Variants in OR51B5 observed in about 807,000 individuals in gnomAD.
OR51B5 encodes olfactory receptor 51B5.
For synonymous variants in OR51B5, 186 were observed against 144.8 expected, an observed-to-expected ratio of 1.28 and a Z score of -2.04; for missense variants, 456 against 374.6, an observed-to-expected ratio of 1.22 and a Z score of -1.79.
At chr11:5,434,027 C>G (rs1850564047) in intron 1 of OR51B5, among the ~76,000 whole-genome samples, 1 of 152,138 alleles carries the variant, frequency 6.6e-6, no homozygotes, top group African/African-American at 2.4e-5. Context: ...ATTTATTTAT[C>G]TTGAGTCTAC....
chr11:5,442,804 T>C (rs1850710567), intron 1 of OR51B5, among the ~76,000 whole-genome samples: 1 of 152,220 alleles, frequency 6.6e-6, no homozygotes, highest in African/African-American at 2.4e-5. Context: ...AATTTCTCTA[T>C]GGTCACCTAG....
intron 1 of OR51B5, among the ~76,000 whole-genome samples, chr11:5,416,226 AC>A (rs554442685): frequency 0.03 from 3,988 of 133,834 alleles, 42 homozygotes; most frequent in Middle Eastern, 0.051. Flanking sequence ...AAATTCAACA[AC>A]CCTTCATGCT....
At chr11:5,340,332 A>ATTCT (rs2133674495), downstream of OR51B5, 1 of 152,230 alleles carries the variant, frequency 6.6e-6, no homozygotes, top group African/African-American at 2.4e-5. Flanking sequence ...AGATTTGAAG[A>ATTCT]TTCTTTTTAT....
intron 1 of OR51B5, among the ~76,000 whole-genome samples, chr11:5,437,983 A>G (rs1395722098): frequency 6.6e-6 from 1 of 152,168 alleles, no homozygotes; most frequent in African/African-American, 2.4e-5. Flanking sequence ...AAAGGAACAG[A>G]GGAACAGTGG....
In OR51B5 at chr11:5,428,919, T is replaced by C. The variant is rs548733810; in HGVS notation, n.84+76650A>G. ...GCTAAAATGTAGGTATAGTTTTTAC[T>C]GTCCCTTACTGCTTCAAAGTGATGT... is the stretch of plus-strand genomic sequence containing the variant. On this transcript the variant is annotated intron_variant and non_coding_transcript_variant, in intron 1 of 4. Transcript: ENST00000415970. Among the ~76,000 whole-genome samples the C allele has an allele frequency of 7.2e-5, 11 of 152,342 alleles. No individual in the cohort carries two copies. In the South Asian group the frequency reaches 1.7e-3, roughly 23 times the overall value.
At chr11:5,377,148 G>A (rs1411770947) in intron 1 of OR51B5, among the ~76,000 whole-genome samples, 4 of 151,994 alleles carry the variant, frequency 2.6e-5, no homozygotes, top group Non-Finnish European at 5.9e-5. Context: ...ATGCAAGGCT[G>A]GTTCAATATA....
At chr11:5,360,692 G>C (rs1849270057) in intron 1 of OR51B5, among the ~76,000 whole-genome samples, 1 of 151,888 alleles carries the variant, frequency 6.6e-6, no homozygotes. Flanking sequence ...ACATGCACAT[G>C]TATGTTTATT....
chr11:5,351,626 A>C, intron 1 of OR51B5: 1 of 1,613,868 alleles, frequency 6.2e-7, no homozygotes, highest in Non-Finnish European at 8.5e-7. Context: ...CTTCTTGGCA[A>C]TGGCACTCTT....
intron 1 of OR51B5, among the ~76,000 whole-genome samples, chr11:5,457,874 G>C (rs536829901): frequency 6.6e-5 from 10 of 152,106 alleles, no homozygotes; most frequent in Middle Eastern, 3.2e-3. Flanking sequence ...ACATTTGTCA[G>C]GTCCATAGTT....
intron 1 of OR51B5, among the ~76,000 whole-genome samples, chr11:5,410,195 G>A (rs1275188708): frequency 2.0e-5 from 3 of 151,946 alleles, no homozygotes; most frequent in African/African-American, 7.2e-5. Context: ...TAAAAGCATC[G>A]GAAAAGGTAA....
At chr11:5,379,914 C>T (rs1355365934) in intron 1 of OR51B5, among the ~76,000 whole-genome samples, 3 of 151,850 alleles carry the variant, frequency 2.0e-5, no homozygotes, top group Non-Finnish European at 4.4e-5. Flanking sequence ...TTGGAACCAG[C>T]ATGAGACCTT....
At chr11:5,377,848 G>A (rs1433076660) in intron 1 of OR51B5, among the ~76,000 whole-genome samples, 7 of 152,018 alleles carry the variant, frequency 4.6e-5, no homozygotes, top group Non-Finnish European at 1.0e-4. Context: ...CATGCTTATG[G>A]GTAGGAAGAA....
chr11:5,393,481 T>C (rs1021798956), intron 1 of OR51B5, among the ~76,000 whole-genome samples: 13 of 152,182 alleles, frequency 8.5e-5, no homozygotes, highest in Non-Finnish European at 1.6e-4. Context: ...TCTTATTTTC[T>C]ATATAGATTT....
At chr11:5,477,506 G>A (rs1487498932) in intron 1 of OR51B5, among the ~76,000 whole-genome samples, 2 of 152,086 alleles carry the variant, frequency 1.3e-5, no homozygotes, top group African/African-American at 4.8e-5. Flanking sequence ...ATTGGGGGAG[G>A]AGCCAAGATG....
intron 1 of OR51B5, chr11:5,468,693 A>T (rs1261888008): frequency 2.2e-6 from 1 of 456,560 alleles, no homozygotes; most frequent in Non-Finnish European, 4.4e-6. Flanking sequence ...TGTGACACAC[A>T]TGTGTTGAGT....
chr11:5,466,837 G>A lies in OR51B5; in HGVS notation n.84+38732C>T, dbSNP rs559939651. Among the ~76,000 whole-genome samples the A allele has an allele frequency of 6.6e-5, 10 of 152,322 alleles. No individual in the cohort carries two copies. The South Asian group carries it at 2.1e-3, about 32-fold the overall frequency. On this transcript the variant is annotated intron_variant and non_coding_transcript_variant, in intron 1 of 4. Coordinates refer to the OR51B5 transcript ENST00000415970. The stretch of plus-strand genomic sequence containing the variant: ...GTCAGAGCGAAGTCTGGTCCAGGAG[G>A]ACATTCTGCTTCCTTCTGTTCCAGC...
intron 1 of OR51B5, chr11:5,390,112 A>G: frequency 2.5e-6 from 4 of 1,613,816 alleles, no homozygotes; most frequent in Non-Finnish European, 3.4e-6. Flanking sequence ...ACACAGTAGC[A>G]GGCCTGGCCT....
At chr11:5,380,167 G>A (rs2647545) in intron 1 of OR51B5, among the ~76,000 whole-genome samples, 30,582 of 152,128 alleles carry the variant, frequency 0.2, 3,334 homozygotes, top group East Asian at 0.37. Flanking sequence ...CATAATGACT[G>A]AAGAGAGGTA....
chr11:5,488,254 G>A (rs951552729), intron 1 of OR51B5, among the ~76,000 whole-genome samples: 2 of 152,164 alleles, frequency 1.3e-5, no homozygotes, highest in Admixed American at 6.5e-5. Flanking sequence ...GAAAGGGAAG[G>A]CCTCTGGGAA....
Sources: allele counts gnomAD v4.1 joint callset (sites outside exome capture counted in the v4.1 genomes callset), GRCh38; gene constraint gnomAD v4.1.1; transcripts MANE v1.5; gene names NCBI Gene and HGNC (gene_info 2026-07-23, HGNC 2026-07-21).